Variants in BCAR3 observed in about 807,000 individuals in gnomAD.
The protein encoded by BCAR3 is breast cancer anti-estrogen resistance protein 3.
In BCAR3, 37 loss-of-function variants were observed where a neutral mutation model predicts 80.1. The observed-to-expected ratio is 0.46, with a 90% CI of 0.36 to 0.61. BCAR3 has a LOEUF of 0.61. Among genes scored for constraint, BCAR3 ranks in the 20% least tolerant of loss-of-function variants. The pLI, the probability that BCAR3 is intolerant of heterozygous loss-of-function variation, is 0.00. For missense variants in BCAR3, 978 were observed against 1,068.2 expected (o/e 0.92, Z 1.18); for synonymous variants, 389 against 418.9 (o/e 0.93, Z 0.87).
chr1:93,665,497 C>T (rs1465518707), intron 2 of BCAR3, among the ~76,000 whole-genome samples: 2 of 152,124 alleles, frequency 1.3e-5, no homozygotes, highest in Non-Finnish European at 2.9e-5. Context: ...TGCTGACTCC[C>T]TGGAACAAAC....
chr1:93,828,215 A>G (rs1474446050), intron 2 of BCAR3, among the ~76,000 whole-genome samples: 1 of 151,978 alleles, frequency 6.6e-6, no homozygotes. Flanking sequence ...CAGGAGGATC[A>G]CTCACTTGAG....
At chr1:93,846,691 G>T (rs1655204803) in intron 1 of BCAR3, 1 of 335,070 alleles carries the variant, frequency 3.0e-6, no homozygotes, top group African/African-American at 2.3e-5. Flanking sequence ...TGCTCCCAGC[G>T]CTCCCACGCG....
At chr1:93,677,261 C>T (rs1271624088) in intron 1 of BCAR3, among the ~76,000 whole-genome samples, 2 of 152,140 alleles carry the variant, frequency 1.3e-5, no homozygotes, top group South Asian at 2.1e-4. Flanking sequence ...AAAAGCCTCC[C>T]GGGAGGATGG....
rs140831931 is a variant in BCAR3, at chr1:93,600,264, T to G, written c.358-7871A>C. Among the ~76,000 whole-genome samples, 6 of 152,342 alleles carry G rather than the reference T, an allele frequency of 3.9e-5. No homozygotes were observed. In the East Asian group the frequency reaches 1.2e-3, roughly 29 times the overall value. ...ACCATTTCCTGTTGCCCCAGGGAGC[T>G]GACCCATGGCCCCTGACATATACTG... On this transcript the variant is annotated intron_variant, in intron 3 of 11. Coordinates refer to ENST00000260502, the MANE Select transcript of BCAR3 (RefSeq NM_003567.4).
At chr1:93,582,233 G>A in intron 7 of BCAR3, 68 bp downstream of exon 7, 3 of 1,539,146 alleles carry the variant, frequency 1.9e-6, no homozygotes, top group Non-Finnish European at 2.6e-6. Flanking sequence ...AGCCAGAGGA[G>A]CACCGGGACC....
chr1:93,828,736 C>T (rs1290291962), intron 2 of BCAR3, among the ~76,000 whole-genome samples: 4 of 152,080 alleles, frequency 2.6e-5, no homozygotes, highest in Middle Eastern at 3.2e-3. Flanking sequence ...GCTCTGTCAC[C>T]CAGGCCGGAG....
chr1:93,643,268 A>G (rs1215377424), intron 2 of BCAR3, among the ~76,000 whole-genome samples: 1 of 150,944 alleles, frequency 6.6e-6, no homozygotes, highest in East Asian at 1.9e-4. Flanking sequence ...TCATGCTTGC[A>G]ATCCCAGCAT....
intron 2 of BCAR3, among the ~76,000 whole-genome samples, chr1:93,751,697 T>C (rs752794985): frequency 6.6e-6 from 1 of 152,188 alleles, no homozygotes; most frequent in African/African-American, 2.4e-5. Flanking sequence ...TATCACCCCT[T>C]TCCTCTTGGC....
intron 2 of BCAR3, among the ~76,000 whole-genome samples, chr1:93,751,990 C>G (rs1651572187): frequency 6.6e-6 from 1 of 152,256 alleles, no homozygotes; most frequent in Non-Finnish European, 1.5e-5. Flanking sequence ...GAATGCATCT[C>G]TTTGCTGTGC....
chr1:93,819,595 A>T (rs923143033), intron 2 of BCAR3, among the ~76,000 whole-genome samples: 10 of 152,258 alleles, frequency 6.6e-5, no homozygotes, highest in African/African-American at 2.4e-4. Context: ...TTGAAAGTGG[A>T]TTAAAATTCT....
intron 8 of BCAR3, among the ~76,000 whole-genome samples, chr1:93,573,493 T>C (rs1343890895): frequency 6.6e-6 from 1 of 152,022 alleles, no homozygotes; most frequent in Non-Finnish European, 1.5e-5. Context: ...TCTCCCTGTG[T>C]ATCTTGGTCC....
intron 3 of BCAR3, among the ~76,000 whole-genome samples, chr1:93,693,423 A>C (rs1413207906): frequency 1.3e-5 from 2 of 152,182 alleles, no homozygotes; most frequent in African/African-American, 4.8e-5. Flanking sequence ...CATGAACATG[A>C]AGGTGAGAGC....
At chr1:93,772,102 A>C (rs530531272) in intron 2 of BCAR3, among the ~76,000 whole-genome samples, 1 of 152,348 alleles carries the variant, frequency 6.6e-6, no homozygotes, top group East Asian at 1.9e-4. Flanking sequence ...GGTGAGGGTC[A>C]TGGATCAGTG....
At chr1:93,623,218 T>C (rs1675365004) in intron 3 of BCAR3, among the ~76,000 whole-genome samples, 1 of 152,170 alleles carries the variant, frequency 6.6e-6, no homozygotes, top group Admixed American at 6.5e-5. Context: ...TTAGCATTCA[T>C]GTCTCAACAT....
chr1:93,805,724 C>T (rs1196205163), intron 2 of BCAR3, among the ~76,000 whole-genome samples: 2 of 152,188 alleles, frequency 1.3e-5, no homozygotes, highest in East Asian at 3.9e-4. Context: ...AGTAAACAAA[C>T]ATGAGAGGAA....
chr1:93,782,870 G>A (rs11164991), intron 2 of BCAR3, among the ~76,000 whole-genome samples: 20,535 of 151,970 alleles, frequency 0.14, 2,174 homozygotes, highest in African/African-American at 0.28. Flanking sequence ...AGAAGTGAGA[G>A]GATAAGCCAC....
At chr1:93,712,682 G>A (rs963491508) in intron 2 of BCAR3, among the ~76,000 whole-genome samples, 8 of 152,018 alleles carry the variant, frequency 5.3e-5, no homozygotes, top group African/African-American at 1.2e-4. Flanking sequence ...AGCACCTTAC[G>A]CTAATTGTCT....
chr1:93,575,579 C>T (rs1673421676), intron 8 of BCAR3, among the ~76,000 whole-genome samples: 1 of 152,196 alleles, frequency 6.6e-6, no homozygotes, highest in Non-Finnish European at 1.5e-5. Flanking sequence ...CTCTTCCCAG[C>T]CTTTCCCACA....
At chr1:93,574,529 G>C (rs1426364367) in intron 8 of BCAR3, among the ~76,000 whole-genome samples, 1 of 152,238 alleles carries the variant, frequency 6.6e-6, no homozygotes, top group Admixed American at 6.5e-5. Flanking sequence ...TGGAAAGTCA[G>C]AAAACAGCCA....
Sources: allele counts gnomAD v4.1 joint callset (sites outside exome capture counted in the v4.1 genomes callset), GRCh38; gene constraint gnomAD v4.1.1; transcripts MANE v1.5; gene names NCBI Gene and HGNC (gene_info 2026-07-23, HGNC 2026-07-21).